Variants in DIS3L2 observed in about 807,000 individuals in gnomAD.
DIS3L2 encodes the protein DIS3 like 3'-5' exoribonuclease 2, also known as DIS3-like exonuclease 2.
A neutral mutation model predicts 97.5 loss-of-function variants in DIS3L2; 34 were observed. The ratio of observed to expected loss-of-function variants is 0.35; its 90% CI spans 0.27 to 0.46. The LOEUF (loss-of-function observed/expected upper bound fraction) is 0.46. DIS3L2 is among the 20% of genes least tolerant of loss of function. DIS3L2 has a pLI of 1.00. For synonymous variants in DIS3L2, 435 were observed against 445.2 expected, an observed-to-expected ratio of 0.98 and a Z score of 0.29; for missense variants, 1,038 against 1,146.0, an observed-to-expected ratio of 0.91 and a Z score of 1.36.
intron 16 of DIS3L2, among the ~76,000 whole-genome samples, chr2:232,333,227 GCCTCCTCCT>G (rs1170491432): frequency 5.0e-4 from 12 of 24,226 alleles, no homozygotes; most frequent in East Asian, 3.2e-3. Flanking sequence ...CTCCGCTGTC[GCCTCCTCCT>G]CCTCCTCCTC....
At chr2:232,297,681 T>G (rs934406838) in intron 13 of DIS3L2, among the ~76,000 whole-genome samples, 1 of 151,266 alleles carries the variant, frequency 6.6e-6, no homozygotes, top group South Asian at 2.1e-4. Context: ...TGTTGCTGTT[T>G]AGGTATGTTC....
chr2:232,020,979 A>AT (rs1046223869), intron 3 of DIS3L2, among the ~76,000 whole-genome samples: 2 of 152,072 alleles, frequency 1.3e-5, no homozygotes, highest in Non-Finnish European at 2.9e-5. Flanking sequence ...AGATCTTATG[A>AT]TTTTTCAAGA....
At chr2:232,044,296 G>C (rs1049588492) in intron 5 of DIS3L2, among the ~76,000 whole-genome samples, 3 of 152,272 alleles carry the variant, frequency 2.0e-5, no homozygotes, top group Non-Finnish European at 2.9e-5. Context: ...GTGGGAGACT[G>C]AAAAGAAAAT....
At chr2:232,313,520 T>G (rs1695190855) in intron 14 of DIS3L2, among the ~76,000 whole-genome samples, 1 of 152,210 alleles carries the variant, frequency 6.6e-6, no homozygotes, top group African/African-American at 2.4e-5. Context: ...TCTTTACTGC[T>G]CCCTGATTCC....
intron 9 of DIS3L2, among the ~76,000 whole-genome samples, chr2:232,196,692 A>C (rs1691765583): frequency 6.6e-6 from 1 of 151,618 alleles, no homozygotes; most frequent in African/African-American, 2.4e-5. Context: ...CATCTATAGG[A>C]CAGACATAGC....
intron 14 of DIS3L2, 28 bp from the exon 15 acceptor site, chr2:232,329,785 T>TGCCGGGGGGGGGGGCCC: frequency 3.1e-6 from 3 of 967,136 alleles, no homozygotes; most frequent in Non-Finnish European, 4.4e-6. Flanking sequence ...ACCCCAGCGG[T>TGCCGGGGGGGGGGGCCC]CCCTCCCATC....
intron 6 of DIS3L2, among the ~76,000 whole-genome samples, chr2:232,101,894 C>T (rs565746961): frequency 8.6e-4 from 131 of 152,336 alleles, no homozygotes; most frequent in African/African-American, 2.5e-3. Flanking sequence ...TTGCTGGATA[C>T]TAAAACTATT....
intron 9 of DIS3L2, among the ~76,000 whole-genome samples, chr2:232,200,508 C>A (rs1392801798): frequency 6.6e-6 from 1 of 151,912 alleles, no homozygotes; most frequent in African/African-American, 2.4e-5. Context: ...AGGGCTCCCA[C>A]CAGCCTAATT....
chr2:232,278,433 C>T (rs1212445230), intron 13 of DIS3L2, among the ~76,000 whole-genome samples: 1 of 152,144 alleles, frequency 6.6e-6, no homozygotes, highest in African/African-American at 2.4e-5. Context: ...ATTCCATCAC[C>T]CCAGAAAATT....
intron 3 of DIS3L2, 44 bp downstream of exon 3, chr2:232,015,715 T>C (rs775276640): frequency 1.2e-6 from 2 of 1,600,106 alleles, no homozygotes; most frequent in East Asian, 4.5e-5. Context: ...ATATGTAGAA[T>C]CCAAAACAAT....
rs575934798 is a variant in DIS3L2, at chr2:232,241,745, A to C, written c.1317+3100A>C. 1.6e-4 allele frequency among the ~76,000 whole-genome samples: 24 copies of C among 152,344 alleles called. No individual in the cohort carries two copies. In the South Asian group the frequency reaches 4.6e-3, roughly 29 times the overall value. On this transcript the variant is annotated intron_variant, in intron 11 of 20. Transcript: ENST00000325385. ...GAAGGACACAACATTTGCTCAGTTA[A>C]TGCCTCTCAACTGTCTTCTCTGGGA...
At chr2:232,062,285 T>C (rs1185085418) in intron 5 of DIS3L2, among the ~76,000 whole-genome samples, 1 of 152,152 alleles carries the variant, frequency 6.6e-6, no homozygotes, top group Admixed American at 6.5e-5. Context: ...AGCTCGAGGC[T>C]GGAATCTTAG....
intron 9 of DIS3L2, among the ~76,000 whole-genome samples, chr2:232,199,476 G>T (rs1459189642): frequency 6.6e-6 from 1 of 152,148 alleles, no homozygotes; most frequent in Non-Finnish European, 1.5e-5. Context: ...CAAGATGTGG[G>T]TTTATCTGTG....
chr2:232,227,189 A>G (rs1181737314), intron 10 of DIS3L2, among the ~76,000 whole-genome samples: 2 of 152,220 alleles, frequency 1.3e-5, no homozygotes, highest in African/African-American at 2.4e-5. Context: ...CTACTTGTCA[A>G]AATGTTTGTT....
chr2:232,161,341 C>A (rs1212389504), intron 8 of DIS3L2, among the ~76,000 whole-genome samples: 4 of 152,138 alleles, frequency 2.6e-5, no homozygotes, highest in Admixed American at 6.5e-5. Flanking sequence ...TGACACTTTT[C>A]TTCCTTTCCG....
At chr2:232,156,816 G>A (rs1326409821) in intron 8 of DIS3L2, among the ~76,000 whole-genome samples, 2 of 152,074 alleles carry the variant, frequency 1.3e-5, no homozygotes, top group Non-Finnish European at 2.9e-5. Flanking sequence ...TCGTATTAGT[G>A]TAGTTCTCTA....
intron 10 of DIS3L2, among the ~76,000 whole-genome samples, chr2:232,221,381 A>G (rs1264970800): frequency 6.6e-6 from 1 of 152,214 alleles, no homozygotes; most frequent in East Asian, 1.9e-4. Context: ...CCCATGGTAC[A>G]GTCTTCAATT....
chr2:232,229,149 C>G (rs1692724564), intron 10 of DIS3L2, among the ~76,000 whole-genome samples: 1 of 152,058 alleles, frequency 6.6e-6, no homozygotes, highest in Admixed American at 6.5e-5. Context: ...CCTTTTCAAA[C>G]TTTTTTCTTT....
chr2:232,076,391 T>G (rs1239535159), intron 5 of DIS3L2, among the ~76,000 whole-genome samples: 1 of 152,180 alleles, frequency 6.6e-6, no homozygotes, highest in Non-Finnish European at 1.5e-5. Flanking sequence ...GCTGGACCAG[T>G]TCACATTCAC....
Sources: allele counts gnomAD v4.1 joint callset (sites outside exome capture counted in the v4.1 genomes callset), GRCh38; gene constraint gnomAD v4.1.1; transcripts MANE v1.5; gene names NCBI Gene and HGNC (gene_info 2026-07-23, HGNC 2026-07-21).